Variants in FBXL5 observed in about 807,000 individuals in gnomAD.
The protein encoded by FBXL5 is F-box/LRR-repeat protein 5.
Under a neutral mutation model 78.3 loss-of-function variants are expected in FBXL5, and 26 were observed. That is an observed-to-expected ratio of 0.33 (90% confidence interval 0.24 to 0.46). FBXL5 has a LOEUF of 0.46. FBXL5 is among the 20% of genes least tolerant of loss of function. FBXL5 has a pLI of 1.00. For missense variants in FBXL5, 710 were observed against 829.2 expected (o/e 0.86, Z 1.77); for synonymous variants, 295 against 282.5 (o/e 1.04, Z -0.45).
chr4:15,618,167 A>C (rs1553848331), intron 9 of FBXL5, among the ~76,000 whole-genome samples: 1 of 152,182 alleles, frequency 6.6e-6, no homozygotes, highest in Non-Finnish European at 1.5e-5. Flanking sequence ...ATTAAGAAAA[A>C]AAGAGAAGAC....
intron 1 of FBXL5, among the ~76,000 whole-genome samples, chr4:15,671,472 C>A (rs1297008922): frequency 6.6e-6 from 1 of 151,696 alleles, no homozygotes; most frequent in Non-Finnish European, 1.5e-5. Flanking sequence ...AGGGTCTCTC[C>A]ACATTGCCCA....
At chr4:15,605,987 A>C (rs1453624516) in intron 10 of FBXL5, among the ~76,000 whole-genome samples, 188 bp from the exon 11 acceptor site, 3 of 152,244 alleles carry the variant, frequency 2.0e-5, no homozygotes. Flanking sequence ...ACTTTAATTA[A>C]TATATCCTTC....
Position 15,626,018 on chromosome 4 carries a change from T to A in FBXL5, c.1125-41A>T, listed in dbSNP as rs774249616. On this transcript the variant is annotated intron_variant, in intron 8 of 10. Coordinates refer to ENST00000341285, the MANE Select transcript of FBXL5 (RefSeq NM_012161.4). ...AAGACTATTAATGAATATTGTTAAA[T>A]TTTTCAAAAGCATTTGACTATATGC... is the stretch of plus-strand genomic sequence containing the variant. 49 of 1,488,832 alleles carry A rather than the reference T, an allele frequency of 3.3e-5. 1 individual carries two copies. The highest frequency in any genetic ancestry group is 2.8e-4 in the South Asian group (20 of 72,320). 92.2% of individuals were successfully genotyped at this position (1,488,832 alleles called of 1,614,324 possible).
intron 2 of FBXL5, among the ~76,000 whole-genome samples, chr4:15,643,272 C>T (rs1443529449): frequency 1.3e-5 from 2 of 152,080 alleles, no homozygotes; most frequent in Non-Finnish European, 2.9e-5. Context: ...ATCTTTAATC[C>T]ATCCTCCCTA....
chr4:15,623,826 GTTT>G (rs548846356), intron 9 of FBXL5, among the ~76,000 whole-genome samples: 1 of 147,152 alleles, frequency 6.8e-6, no homozygotes, highest in African/African-American at 2.5e-5. Flanking sequence ...TTTTACAATA[GTTT>G]TTTTTTTTTT....
intron 7 of FBXL5, among the ~76,000 whole-genome samples, chr4:15,627,657 T>G (rs1318793958): frequency 6.6e-6 from 1 of 152,224 alleles, no homozygotes; most frequent in African/African-American, 2.4e-5. Context: ...CCTCTTCTAG[T>G]CAGTTTCCTC....
upstream of FBXL5, among the ~76,000 whole-genome samples, chr4:15,656,568 C>G (rs1236108131): frequency 6.6e-6 from 1 of 152,062 alleles, no homozygotes; most frequent in African/African-American, 2.4e-5. Flanking sequence ...TGGAATGCAC[C>G]CTATTTAGTT....
At chr4:15,659,869 G>T (rs1190569669), upstream of FBXL5, 1 of 242,440 alleles carries the variant, frequency 4.1e-6, no homozygotes, top group African/African-American at 2.3e-5. Context: ...GCTACTCTCA[G>T]GGACAACTTG....
intron 9 of FBXL5, among the ~76,000 whole-genome samples, chr4:15,618,464 A>G (rs1577431038): frequency 6.6e-6 from 1 of 152,266 alleles, no homozygotes; most frequent in South Asian, 2.1e-4. Flanking sequence ...GAATTGACTT[A>G]TAAGAAGATG....
chr4:15,658,902 C>T (rs113864116), upstream of FBXL5, among the ~76,000 whole-genome samples: 8 of 152,200 alleles, frequency 5.3e-5, no homozygotes, highest in African/African-American at 1.9e-4. Flanking sequence ...TCATATTCAG[C>T]GTTAAACTGG....
chr4:15,676,764 T>C (rs929826277), intron 1 of FBXL5, among the ~76,000 whole-genome samples: 1 of 152,192 alleles, frequency 6.6e-6, no homozygotes, highest in African/African-American at 2.4e-5. Flanking sequence ...TACAATTCTT[T>C]ACTTTTGTGT....
chr4:15,645,613 G>A (rs188297266), intron 1 of FBXL5, among the ~76,000 whole-genome samples: 1 of 151,882 alleles, frequency 6.6e-6, no homozygotes. Context: ...TTTTTTAGCA[G>A]AGATGGGGTT....
chr4:15,640,992 G>A, intron 2 of FBXL5, 109 bp from the exon 3 acceptor site: 1 of 535,078 alleles, frequency 1.9e-6, no homozygotes, highest in Non-Finnish European at 3.3e-6. Flanking sequence ...AAAAAAAATA[G>A]ACAAATTGCA....
chr4:15,651,903 G>A (rs1716111019), intron 1 of FBXL5, among the ~76,000 whole-genome samples: 2 of 152,112 alleles, frequency 1.3e-5, no homozygotes, highest in African/African-American at 4.8e-5. Context: ...TCAATTCAAA[G>A]AGACCACTCC....
At chr4:15,614,543 T>C (rs932541997) in intron 9 of FBXL5, among the ~76,000 whole-genome samples, 1 of 152,108 alleles carries the variant, frequency 6.6e-6, no homozygotes, top group Non-Finnish European at 1.5e-5. Flanking sequence ...CAAGAGATTA[T>C]GTCCTTGGTC....
chr4:15,623,247 A>C (rs1229333127), intron 9 of FBXL5, among the ~76,000 whole-genome samples: 1 of 152,118 alleles, frequency 6.6e-6, no homozygotes, highest in Admixed American at 6.6e-5. Context: ...AAGCAAAAAA[A>C]ACAAAATTTT....
chr4:15,622,199 A>T (rs1359120031), intron 9 of FBXL5, among the ~76,000 whole-genome samples: 1 of 152,122 alleles, frequency 6.6e-6, no homozygotes, highest in East Asian at 1.9e-4. Flanking sequence ...TCCTGAATAA[A>T]CATAATGACT....
At chr4:15,665,184 G>T (rs964691091) in intron 1 of FBXL5, among the ~76,000 whole-genome samples, 5 of 152,166 alleles carry the variant, frequency 3.3e-5, no homozygotes, top group African/African-American at 1.2e-4. Flanking sequence ...ATGTAGGAAA[G>T]AATGCCTTTC....
chr4:15,650,883 G>T (rs767851495), intron 1 of FBXL5, among the ~76,000 whole-genome samples: 1 of 151,548 alleles, frequency 6.6e-6, no homozygotes, highest in African/African-American at 2.4e-5. Context: ...CACCTGCCTC[G>T]GCCTCCCAAA....
Sources: allele counts gnomAD v4.1 joint callset (sites outside exome capture counted in the v4.1 genomes callset), GRCh38; gene constraint gnomAD v4.1.1; transcripts MANE v1.5; gene names NCBI Gene and HGNC (gene_info 2026-07-23, HGNC 2026-07-21).